Variants in CNBD1 observed in about 807,000 individuals in gnomAD.
The protein encoded by CNBD1 is cyclic nucleotide-binding domain-containing protein 1.
CNBD1 carries 71 observed loss-of-function variants against 54.4 expected under a neutral mutation model. The ratio of observed to expected loss-of-function variants is 1.30; its 90% CI spans 1.08 to 1.59. The LOEUF is 1.59. Among genes scored for constraint, CNBD1 ranks in the 40% most tolerant of loss-of-function variants. The probability of loss-of-function intolerance (pLI) is 0.00; values close to 1 mark genes in which losing one functional copy is unlikely to be tolerated. For synonymous variants in CNBD1, 182 were observed against 170.7 expected (o/e 1.07, Z -0.51); for missense variants, 659 against 518.0 (o/e 1.27, Z -2.64).
At chr8:87,335,984 G>A (rs1293538799) in intron 8 of CNBD1, among the ~76,000 whole-genome samples, 1 of 152,094 alleles carries the variant, frequency 6.6e-6, no homozygotes, top group Admixed American at 6.6e-5. Context: ...GGCTGGATAT[G>A]GGTTGAAAAT....
At chr8:86,871,649 A>G (rs561185528) in intron 1 of CNBD1, among the ~76,000 whole-genome samples, 16 of 152,312 alleles carry the variant, frequency 1.1e-4, no homozygotes, top group East Asian at 5.8e-4. Flanking sequence ...CTATCTGCCA[A>G]TACTGATTAG....
intron 3 of CNBD1, among the ~76,000 whole-genome samples, chr8:86,928,982 C>T (rs1809412547): frequency 6.6e-6 from 1 of 152,190 alleles, no homozygotes; most frequent in Admixed American, 6.5e-5. Flanking sequence ...GTGAAAGTCC[C>T]CATTCTTTTT....
At chr8:87,244,962 T>C (rs1032279397) in intron 6 of CNBD1, among the ~76,000 whole-genome samples, 3 of 152,156 alleles carry the variant, frequency 2.0e-5, no homozygotes, top group African/African-American at 7.2e-5. Context: ...ATGTGATTGC[T>C]TTATTCTTAA....
At chr8:86,924,161 T>TA (rs1307365659) in intron 3 of CNBD1, among the ~76,000 whole-genome samples, 1 of 152,192 alleles carries the variant, frequency 6.6e-6, no homozygotes, top group Non-Finnish European at 1.5e-5. Context: ...ACTATGGGAC[T>TA]AAAATCTACT....
chr8:87,174,423 A>C (rs1243810624), intron 4 of CNBD1, among the ~76,000 whole-genome samples: 2 of 152,108 alleles, frequency 1.3e-5, no homozygotes, highest in African/African-American at 2.4e-5. Flanking sequence ...CTTCTTGATT[A>C]TCTTTAATTA....
chr8:86,957,961 G>T lies in CNBD1; in HGVS notation c.431+18207G>T, dbSNP rs185477754. ...AGATCTTTCCTGCTTTCTCTTGTGC[G>T]CATTTAGTGCTATAAATTTCCCTCT... is the stretch of plus-strand genomic sequence containing the variant. On this transcript the variant is annotated intron_variant, in intron 4 of 10. Coordinates refer to ENST00000518476, the MANE Select transcript of CNBD1 (RefSeq NM_173538.3). 1.3e-3 allele frequency among the ~76,000 whole-genome samples: 202 copies of T among 152,170 alleles called. 2 individuals carry two copies. The highest frequency in any genetic ancestry group is 4.7e-3 in the African/African-American group (197 of 41,498).
In CNBD1 at chr8:87,042,426, C is replaced by T. The variant is rs12544252; in HGVS notation, c.431+102672C>T. 3.0e-3 allele frequency among the ~76,000 whole-genome samples: 462 copies of T among 152,054 alleles called. 12 individuals are homozygous for T. The highest frequency in any genetic ancestry group is 0.028 in the East Asian group (146 of 5,156). On this transcript the variant is annotated intron_variant, in intron 4 of 10. Coordinates refer to ENST00000518476, the MANE Select transcript of CNBD1 (RefSeq NM_173538.3). Reference sequence around the variant, plus strand: ...TTTCTGTAGATAAAGAAAGGCAGAACGGGGCTAAGTAATAAACTATATACA... The same window carrying T: ...TTTCTGTAGATAAAGAAAGGCAGAATGGGGCTAAGTAATAAACTATATACA...
At chr8:87,424,480 T>C (rs1252172187) in intron 2 of CNBD1, among the ~76,000 whole-genome samples, 1 of 152,256 alleles carries the variant, frequency 6.6e-6, no homozygotes, top group Non-Finnish European at 1.5e-5. Context: ...GTTGTGTCTT[T>C]GTTCTCACTG....
intron 6 of CNBD1, among the ~76,000 whole-genome samples, chr8:87,250,441 C>A (rs964893589): frequency 1.3e-5 from 2 of 152,154 alleles, no homozygotes; most frequent in African/African-American, 4.8e-5. Flanking sequence ...AAAAACAGAA[C>A]TACCATGTGA....
At chr8:86,881,340 G>A (rs1327015502) in intron 1 of CNBD1, among the ~76,000 whole-genome samples, 4 of 152,086 alleles carry the variant, frequency 2.6e-5, no homozygotes, top group Non-Finnish European at 5.9e-5. Context: ...CAGAATCAAT[G>A]TGCAAAAATT....
intron 10 of CNBD1, among the ~76,000 whole-genome samples, chr8:87,373,586 G>T (rs1810864389): frequency 6.6e-6 from 1 of 151,778 alleles, no homozygotes; most frequent in Admixed American, 6.6e-5. Flanking sequence ...GTTGTAGGTT[G>T]TATATCTTCA....
At chr8:87,133,560 C>T (rs1254405291) in intron 4 of CNBD1, among the ~76,000 whole-genome samples, 1 of 152,104 alleles carries the variant, frequency 6.6e-6, no homozygotes, top group Non-Finnish European at 1.5e-5. Flanking sequence ...TGGGTTGTTC[C>T]CTTCACTCAA....
At chr8:86,959,036 C>T (rs910706596) in intron 4 of CNBD1, among the ~76,000 whole-genome samples, 7 of 152,136 alleles carry the variant, frequency 4.6e-5, no homozygotes, top group Non-Finnish European at 1.0e-4. Context: ...TCTTGTAAAG[C>T]AGGCCTGGTG....
chr8:87,244,902 A>G (rs758880777), intron 6 of CNBD1, among the ~76,000 whole-genome samples: 2 of 152,224 alleles, frequency 1.3e-5, no homozygotes, highest in African/African-American at 2.4e-5. Flanking sequence ...TATATTGATT[A>G]AAGTTCAGTT....
At chr8:86,971,989 G>C (rs1808230513) in intron 4 of CNBD1, among the ~76,000 whole-genome samples, 1 of 151,006 alleles carries the variant, frequency 6.6e-6, no homozygotes, top group Admixed American at 6.6e-5. Flanking sequence ...GTCTCATTCT[G>C]TTGCCCAGGC....
At chr8:87,007,458 A>G (rs1809126806) in intron 4 of CNBD1, among the ~76,000 whole-genome samples, 1 of 152,156 alleles carries the variant, frequency 6.6e-6, no homozygotes, top group African/African-American at 2.4e-5. Flanking sequence ...TGTAAAAAGT[A>G]TATTTTGAGC....
intron 8 of CNBD1, among the ~76,000 whole-genome samples, chr8:87,322,747 TG>T (rs1190602983): frequency 3.6e-4 from 28 of 77,032 alleles, no homozygotes; most frequent in Non-Finnish European, 1.9e-4. Flanking sequence ...TCTCCCATGT[TG>T]TAGGTTGCCT....
At chr8:87,147,111 C>T (rs988959865) in intron 4 of CNBD1, among the ~76,000 whole-genome samples, 2 of 152,098 alleles carry the variant, frequency 1.3e-5, no homozygotes, top group African/African-American at 4.8e-5. Flanking sequence ...GACTGACCCT[C>T]TTGTCATTAA....
chr8:87,191,620 T>C (rs1268304076), intron 4 of CNBD1, among the ~76,000 whole-genome samples: 1 of 152,140 alleles, frequency 6.6e-6, no homozygotes, highest in Admixed American at 6.5e-5. Context: ...AAGGATCCAG[T>C]TTAGGGAAAG....
Sources: allele counts gnomAD v4.1 joint callset (sites outside exome capture counted in the v4.1 genomes callset), GRCh38; gene constraint gnomAD v4.1.1; transcripts MANE v1.5; gene names NCBI Gene and HGNC (gene_info 2026-07-23, HGNC 2026-07-21).